The following TRAK1 variants were observed in gnomAD, a reference collection of about 807,000 sequenced individuals.
The protein encoded by TRAK1 is trafficking kinesin protein 1.
Under a neutral mutation model 92.1 loss-of-function variants are expected in TRAK1, and 33 were observed. The observed-to-expected ratio is 0.36, with a 90% confidence interval of 0.27 to 0.48. TRAK1 has a LOEUF of 0.48. Among genes scored for constraint, TRAK1 ranks in the 20% least tolerant of loss-of-function variants. The probability of loss-of-function intolerance (pLI) is 0.99; values close to 1 mark genes in which losing one functional copy is unlikely to be tolerated. For synonymous variants in TRAK1, 521 were observed against 517.3 expected, an observed-to-expected ratio of 1.01 and a Z score of -0.10; for missense variants, 1,123 against 1,257.9, an observed-to-expected ratio of 0.89 and a Z score of 1.62.
At chr3:42,087,793 T>C (rs2148958814), upstream of TRAK1, among the ~76,000 whole-genome samples, 1 of 152,314 alleles carries the variant, frequency 6.6e-6, no homozygotes, top group East Asian at 1.9e-4. Flanking sequence ...GGGAATAACA[T>C]GCACTGTCAT....
intron 6 of TRAK1, among the ~76,000 whole-genome samples, chr3:42,190,097 C>T (rs1011868832): frequency 2.0e-5 from 3 of 152,124 alleles, no homozygotes; most frequent in Non-Finnish European, 4.4e-5. Flanking sequence ...TGACTCTAAG[C>T]CCCTTGTTTT....
At chr3:42,168,323 ATGTTTTTACAT>A (rs1702128269) in intron 2 of TRAK1, among the ~76,000 whole-genome samples, 1 of 152,186 alleles carries the variant, frequency 6.6e-6, no homozygotes, top group Non-Finnish European at 1.5e-5. Flanking sequence ...CAATACAATA[ATGTTTTTACAT>A]TGTCATGTAA....
intron 14 of TRAK1, among the ~76,000 whole-genome samples, chr3:42,214,801 A>G (rs1461380293): frequency 6.6e-6 from 1 of 152,226 alleles, no homozygotes; most frequent in Non-Finnish European, 1.5e-5. Flanking sequence ...ACCTCTACGG[A>G]GCTGCAGGGG....
chr3:42,161,305 G>GT (rs1353733259), intron 2 of TRAK1, among the ~76,000 whole-genome samples: 1 of 152,236 alleles, frequency 6.6e-6, no homozygotes, highest in Non-Finnish European at 1.5e-5. Flanking sequence ...GGTCCCTTGA[G>GT]TAAAAACAAT....
intron 1 of TRAK1, among the ~76,000 whole-genome samples, chr3:42,026,499 C>T (rs1212345338): frequency 6.7e-6 from 1 of 150,148 alleles, no homozygotes; most frequent in Non-Finnish European, 1.5e-5. Context: ...TCCTGGATCT[C>T]AGTGATCAAA....
chr3:42,138,874 GGGGTGTGT>G (rs1381155532), intron 2 of TRAK1, among the ~76,000 whole-genome samples: 1,238 of 51,024 alleles, frequency 0.024, 28 homozygotes, highest in African/African-American at 0.054. Flanking sequence ...GAAAGCATAG[GGGGTGTGT>G]GTGTGTGTGT....
At chr3:42,193,792 T>G in intron 8 of TRAK1, 32 bp from the exon 9 acceptor site, 1 of 1,241,716 alleles carries the variant, frequency 8.1e-7, no homozygotes. Flanking sequence ...ACCAAGTATC[T>G]TAGGAAGTGA....
At chr3:42,135,920 C>T (rs1283353869) in intron 2 of TRAK1, among the ~76,000 whole-genome samples, 2 of 152,134 alleles carry the variant, frequency 1.3e-5, no homozygotes, top group Admixed American at 1.3e-4. Flanking sequence ...GCTTGCCATC[C>T]TCACACTAGC....
At chr3:42,203,348 G>T (rs1339022081) in intron 13 of TRAK1, 2 of 987,054 alleles carry the variant, frequency 2.0e-6, no homozygotes, top group Non-Finnish European at 2.4e-6. Flanking sequence ...CCAGGAAGGG[G>T]TGGCTGTGGA....
At chr3:42,160,249 G>T (rs1014852198) in intron 2 of TRAK1, 1 of 1,530,054 alleles carries the variant, frequency 6.5e-7, no homozygotes, top group South Asian at 1.3e-5. Context: ...AGGCCAGGGC[G>T]CAGTGTGTGC....
intron 13 of TRAK1, chr3:42,203,827 ACAATACATAAG>A (rs1708006797): frequency 1.1e-5 from 9 of 839,386 alleles, no homozygotes; most frequent in Non-Finnish European, 1.3e-5. Flanking sequence ...ATATACATAA[ACAATACATAAG>A]CAATACATCT....
At chr3:42,021,375 G>A (rs199862491) in intron 1 of TRAK1, among the ~76,000 whole-genome samples, 144 of 152,228 alleles carry the variant, frequency 9.5e-4, no homozygotes, top group Non-Finnish European at 2.9e-4. Context: ...GTACCTGAGT[G>A]GGAAGTAGCT....
chr3:42,017,886 A>T (rs892373943), intron 1 of TRAK1, among the ~76,000 whole-genome samples: 1 of 152,156 alleles, frequency 6.6e-6, no homozygotes, highest in Admixed American at 6.6e-5. Context: ...CTTGCAGAGC[A>T]GGGCTAACTC....
In TRAK1 at chr3:42,193,285, T is replaced by C. The variant is rs1706094393; in HGVS notation, c.900+80T>C. 6 of 1,562,848 alleles carry C rather than the reference T, an allele frequency of 3.8e-6. No individual in the cohort carries two copies. The South Asian group carries it at 4.8e-5, about 13-fold the overall frequency. Reference sequence around the variant, plus strand: ...AAGGGACATTTACTCCAGAAGACAGTGCTCTTTAGTTTCATATCTTAGCAG... The same window carrying C: ...AAGGGACATTTACTCCAGAAGACAGCGCTCTTTAGTTTCATATCTTAGCAG... On this transcript the variant is annotated intron_variant, in intron 8 of 15. Transcript: ENST00000327628.
At chr3:42,060,335 G>C (rs1189681359) in intron 1 of TRAK1, among the ~76,000 whole-genome samples, 1 of 151,866 alleles carries the variant, frequency 6.6e-6, no homozygotes, top group Non-Finnish European at 1.5e-5. Context: ...GCACCACGGT[G>C]GGGGGTGGGG....
At chr3:42,032,468 G>A (rs1378198434) in intron 1 of TRAK1, among the ~76,000 whole-genome samples, 50 of 145,456 alleles carry the variant, frequency 3.4e-4, no homozygotes, top group Non-Finnish European at 3.0e-5. Context: ...TACACCCGGA[G>A]TGGGTCAACC....
intron 1 of TRAK1, among the ~76,000 whole-genome samples, chr3:42,016,775 C>A (rs568341021): frequency 6.6e-6 from 1 of 152,038 alleles, no homozygotes; most frequent in Non-Finnish European, 1.5e-5. Flanking sequence ...CTTTTTTTAC[C>A]CTTTGGGGCT....
intron 1 of TRAK1, among the ~76,000 whole-genome samples, chr3:42,121,106 A>G (rs930613404): frequency 7.2e-5 from 11 of 152,152 alleles, no homozygotes; most frequent in African/African-American, 2.4e-4. Flanking sequence ...TAGTTAGCTG[A>G]ATCAACTTGA....
intron 10 of TRAK1, among the ~76,000 whole-genome samples, chr3:42,196,291 C>T (rs766500076): frequency 2.6e-5 from 4 of 152,214 alleles, no homozygotes; most frequent in African/African-American, 4.8e-5. Flanking sequence ...CCATTCTAAT[C>T]GCTGAATAAA....
Sources: gnomAD v4.1 joint callset for allele counts (sites outside exome capture counted in the v4.1 genomes callset) on GRCh38, gnomAD v4.1.1 for gene constraint, MANE v1.5 for transcripts, NCBI Gene and HGNC (gene_info 2026-07-23, HGNC 2026-07-21) for gene names.